DTNB: variants seen among roughly 807,000 people sequenced by gnomAD.
DTNB encodes DTN-B.
A neutral mutation model predicts 90.7 loss-of-function variants in DTNB; 63 were observed. That is an observed-to-expected ratio of 0.69 (90% CI 0.57 to 0.86). The LOEUF is 0.86. Among genes scored for constraint, DTNB ranks in the 40% least tolerant of loss-of-function variants. The probability of loss-of-function intolerance (pLI) is 0.00; values close to 1 mark genes in which losing one functional copy is unlikely to be tolerated. For synonymous variants in DTNB, 277 were observed against 286.7 expected, an observed-to-expected ratio of 0.97 and a Z score of 0.34; for missense variants, 744 against 807.1, an observed-to-expected ratio of 0.92 and a Z score of 0.95.
chr2:25,660,425 AGGGTTGACGG>A (rs1464612932), intron 1 of DTNB, among the ~76,000 whole-genome samples: 1 of 152,048 alleles, frequency 6.6e-6, no homozygotes, highest in East Asian at 1.9e-4. Context: ...GGGTTTGTGG[AGGGTTGACGG>A]GGGAAGGTGA....
intron 9 of DTNB, among the ~76,000 whole-genome samples, chr2:25,525,591 G>A (rs796704213): frequency 1.2e-4 from 18 of 151,468 alleles, no homozygotes; most frequent in African/African-American, 4.1e-4. Context: ...AGCCAAGATC[G>A]CTCCATTGCA....
intron 9 of DTNB, among the ~76,000 whole-genome samples, chr2:25,529,850 A>G (rs561153376): frequency 1.3e-5 from 2 of 152,220 alleles, no homozygotes; most frequent in Non-Finnish European, 2.9e-5. Context: ...CAGAAGACTT[A>G]GTTATGGTTA....
At position 25,653,598 on chromosome 2, in the gene DTNB, G is replaced by A. The variant is rs190073412; in HGVS notation, c.-1-937C>T. On this transcript the variant is annotated intron_variant, in intron 1 of 20. Coordinates refer to ENST00000406818, the MANE Select transcript of DTNB (RefSeq NM_021907.5). ...GCGATCTCAGCTTGCTGCAACCTCC[G>A]ACTCCCGGGTTCAAGCAATTCTTGT... Among the ~76,000 whole-genome samples the A allele has an allele frequency of 5.9e-4, 86 of 145,508 alleles. No homozygotes were observed. The East Asian group carries it at 0.014, about 23-fold the overall frequency.
At chr2:25,640,683 G>A (rs2078069787) in intron 2 of DTNB, among the ~76,000 whole-genome samples, 1 of 152,128 alleles carries the variant, frequency 6.6e-6, no homozygotes, top group African/African-American at 2.4e-5. Flanking sequence ...GCTGAGGTAG[G>A]AGGATCAGTT....
intron 2 of DTNB, among the ~76,000 whole-genome samples, chr2:25,639,937 C>T (rs537139458): frequency 1.3e-5 from 2 of 152,222 alleles, no homozygotes; most frequent in South Asian, 2.1e-4. Flanking sequence ...ACCAAACCAG[C>T]ATCGACTGCC....
chr2:25,587,253 G>A (rs1220174746), intron 6 of DTNB, among the ~76,000 whole-genome samples: 4 of 152,174 alleles, frequency 2.6e-5, no homozygotes, highest in Non-Finnish European at 5.9e-5. Context: ...ATTGCAAAAT[G>A]ATGATTTAAA....
intron 9 of DTNB, among the ~76,000 whole-genome samples, chr2:25,510,033 G>T (rs1209679032): frequency 1.3e-5 from 2 of 151,976 alleles, no homozygotes; most frequent in Non-Finnish European, 2.9e-5. Flanking sequence ...TTACAGGCAT[G>T]AGCCACCATG....
At chr2:25,544,061 G>GC (rs375850005) in intron 8 of DTNB, among the ~76,000 whole-genome samples, 110 of 152,336 alleles carry the variant, frequency 7.2e-4, no homozygotes, top group African/African-American at 2.6e-3. Flanking sequence ...AGGAGGGACA[G>GC]CCACGGCAGT....
intron 10 of DTNB, among the ~76,000 whole-genome samples, chr2:25,472,788 G>T (rs890844221): frequency 2.6e-5 from 4 of 152,212 alleles, no homozygotes; most frequent in South Asian, 2.1e-4. Flanking sequence ...GGAGGATGAG[G>T]CAGGAGAATT....
At chr2:25,621,771 T>C (rs1387323343) in intron 4 of DTNB, among the ~76,000 whole-genome samples, 2 of 151,988 alleles carry the variant, frequency 1.3e-5, no homozygotes, top group Non-Finnish European at 2.9e-5. Flanking sequence ...CCAACATTTT[T>C]AAATGGTTGT....
chr2:25,428,281 T>C (rs1298769766), intron 14 of DTNB, among the ~76,000 whole-genome samples: 4 of 152,170 alleles, frequency 2.6e-5, no homozygotes, highest in Non-Finnish European at 5.9e-5. Context: ...GTTACTTTCT[T>C]CTTTATATCC....
intron 6 of DTNB, among the ~76,000 whole-genome samples, chr2:25,583,043 T>C (rs2061781593): frequency 6.6e-6 from 1 of 152,052 alleles, no homozygotes; most frequent in Non-Finnish European, 1.5e-5. Flanking sequence ...GGCAGATGGT[T>C]TGAGACCAGC....
chr2:25,650,222 T>G, intron 2 of DTNB: 2 of 985,448 alleles, frequency 2.0e-6, no homozygotes, highest in Non-Finnish European at 2.4e-6. Context: ...TTACTGTGTT[T>G]GTGTATTTGG....
At chr2:25,470,672 C>T (rs574109575) in intron 10 of DTNB, among the ~76,000 whole-genome samples, 59 of 152,178 alleles carry the variant, frequency 3.9e-4, no homozygotes, top group African/African-American at 1.3e-3. Flanking sequence ...CCACTGCACC[C>T]GGCCTGAAGA....
At chr2:25,607,542 T>C (rs2067400756) in intron 4 of DTNB, among the ~76,000 whole-genome samples, 3 of 152,134 alleles carry the variant, frequency 2.0e-5, no homozygotes, top group African/African-American at 2.4e-5. Context: ...TTTCTGGAAG[T>C]TTTAGAAACA....
chr2:25,621,549 C>T (rs796195363), intron 4 of DTNB, among the ~76,000 whole-genome samples: 5 of 148,358 alleles, frequency 3.4e-5, no homozygotes, highest in African/African-American at 1.2e-4. Flanking sequence ...CGGGTTCAAG[C>T]GATTCTCCTG....
At chr2:25,609,657 TACACACACACACACACAC>T (rs4007298) in intron 4 of DTNB, among the ~76,000 whole-genome samples, 31 of 127,076 alleles carry the variant, frequency 2.4e-4, no homozygotes, top group South Asian at 7.6e-4. Flanking sequence ...TAATAGAATG[TACACACACACACACACAC>T]ACACACACAC....
chr2:25,626,299 T>G (rs770531541), intron 4 of DTNB, among the ~76,000 whole-genome samples: 2 of 152,208 alleles, frequency 1.3e-5, no homozygotes, highest in Non-Finnish European at 2.9e-5. Flanking sequence ...GTCAGTGTCA[T>G]GATAAGGTGC....
At chr2:25,648,665 T>TCATACAGC (rs1189989343) in intron 2 of DTNB, among the ~76,000 whole-genome samples, 1 of 152,158 alleles carries the variant, frequency 6.6e-6, no homozygotes, top group Non-Finnish European at 1.5e-5. Flanking sequence ...AAAGACCTCA[T>TCATACAGC]CATACAGCCT....
Sources: allele counts gnomAD v4.1 joint callset (sites outside exome capture counted in the v4.1 genomes callset), GRCh38; gene constraint gnomAD v4.1.1; transcripts MANE v1.5; gene names NCBI Gene and HGNC (gene_info 2026-07-23, HGNC 2026-07-21).